The following ATRNL1 variants were observed in gnomAD, a reference collection of about 807,000 sequenced individuals.
The protein encoded by ATRNL1 is attractin like 1.
In ATRNL1, 95 loss-of-function variants were observed where a neutral mutation model predicts 182.7. The ratio of observed to expected loss-of-function variants is 0.52; its 90% CI spans 0.44 to 0.62. ATRNL1 has a LOEUF of 0.62. Ranked by LOEUF, ATRNL1 falls within the 20% of genes least tolerant of loss-of-function variation. The probability of loss-of-function intolerance (pLI) is 0.00; values close to 1 mark genes in which losing one functional copy is unlikely to be tolerated. For missense variants in ATRNL1, 1,471 were observed against 1,679.5 expected (o/e 0.88, Z 2.17); for synonymous variants, 576 against 568.3 (o/e 1.01, Z -0.19).
chr10:115,100,992 A>G (rs1484678551), intron 1 of ATRNL1, among the ~76,000 whole-genome samples: 2 of 152,134 alleles, frequency 1.3e-5, no homozygotes, highest in Non-Finnish European at 2.9e-5. Context: ...GCTATTGTAA[A>G]TGGCATTTTT....
chr10:115,681,078 G>A (rs10885768), intron 26 of ATRNL1, among the ~76,000 whole-genome samples: 52,600 of 151,812 alleles, frequency 0.35, 9,832 homozygotes, highest in East Asian at 0.52. Flanking sequence ...TTTACATTAC[G>A]TACCTCTTTC....
chr10:115,370,009 T>A (rs1857305696), intron 19 of ATRNL1, among the ~76,000 whole-genome samples: 1 of 152,186 alleles, frequency 6.6e-6, no homozygotes, highest in Admixed American at 6.5e-5. Context: ...CAGGGGTGGA[T>A]CTTTCCCATG....
At chr10:115,937,359 A>C (rs77491264) in intron 28 of ATRNL1, among the ~76,000 whole-genome samples, 1 of 152,336 alleles carries the variant, frequency 6.6e-6, no homozygotes, top group East Asian at 1.9e-4. Flanking sequence ...GGTGAGGGGA[A>C]ATATCTCTTC....
At chr10:115,651,333 C>T (rs1176255339) in intron 26 of ATRNL1, among the ~76,000 whole-genome samples, 2 of 152,106 alleles carry the variant, frequency 1.3e-5, no homozygotes, top group African/African-American at 4.8e-5. Flanking sequence ...ACCTATGTAA[C>T]AAAAGCTTGC....
intron 26 of ATRNL1, among the ~76,000 whole-genome samples, chr10:115,573,933 T>G (rs1854553522): frequency 6.6e-6 from 1 of 151,942 alleles, no homozygotes; most frequent in Non-Finnish European, 1.5e-5. Context: ...AAGAAAAGAG[T>G]TGAAAGACAA....
chr10:115,125,440 A>G (rs1472045725), intron 3 of ATRNL1, among the ~76,000 whole-genome samples: 2 of 151,774 alleles, frequency 1.3e-5, no homozygotes, highest in African/African-American at 4.8e-5. Flanking sequence ...TTGGGCTTTT[A>G]TTCTGTAGGC....
At chr10:115,747,568 A>G (rs979509271) in intron 27 of ATRNL1, among the ~76,000 whole-genome samples, 2 of 152,182 alleles carry the variant, frequency 1.3e-5, no homozygotes, top group South Asian at 4.1e-4. Context: ...TGTATGAGAC[A>G]TGCTCTTGTT....
At chr10:115,555,060 T>C (rs907883079) in intron 26 of ATRNL1, among the ~76,000 whole-genome samples, 1 of 151,810 alleles carries the variant, frequency 6.6e-6, no homozygotes. Context: ...AAAGTTCATT[T>C]TTTATCTAAA....
At chr10:115,353,720 A>G (rs782803730) in intron 19 of ATRNL1, among the ~76,000 whole-genome samples, 28 of 151,012 alleles carry the variant, frequency 1.9e-4, no homozygotes, top group Non-Finnish European at 1.3e-4. Flanking sequence ...TATTTTTTCA[A>G]TTTCTATTAT....
intron 26 of ATRNL1, among the ~76,000 whole-genome samples, chr10:115,578,141 T>A (rs1854840744): frequency 6.6e-6 from 1 of 151,798 alleles, no homozygotes; most frequent in Admixed American, 6.6e-5. Flanking sequence ...GTTGTGTTGT[T>A]GTATTTAGTT....
chr10:115,301,960 C>G lies in ATRNL1; in HGVS notation c.2735C>G (p.Thr912Arg). 3.7e-6 allele frequency: 6 copies of G among 1,614,098 alleles called. No homozygotes were observed. Among genetic ancestry groups the G allele is most frequent in the Non-Finnish European group, 5.1e-6 (6 of 1,179,956 alleles). The part of the protein sequence containing the change: ...NGMECMWCSS[T>R]KRCVDSNAYI... ...ATGGAGTGTATGTGGTGCAGCAGTA[C>G]GAAACGATGTGTTGACTCTAATGCC... The change falls in exon 17 of 29, where the codon ACG (threonine) becomes AGG (arginine). Residue 912 changes from threonine to arginine, a missense_variant. Thr to Arg is a moderately conservative substitution (Grantham distance 71). Around this residue, in one of 3 missense-constraint regions of ATRNL1, gnomAD observed 1,031 missense variants for 1,156.0 expected, o/e 0.89. Transcript: ENST00000355044.
chr10:115,631,270 A>C (rs1478967242), intron 26 of ATRNL1, among the ~76,000 whole-genome samples: 2 of 152,024 alleles, frequency 1.3e-5, no homozygotes, highest in Admixed American at 6.6e-5. Flanking sequence ...TAGATTTATT[A>C]ATTAGCTTGA....
At chr10:115,271,578 T>C (rs1851868832) in intron 13 of ATRNL1, among the ~76,000 whole-genome samples, 1 of 152,180 alleles carries the variant, frequency 6.6e-6, no homozygotes, top group Non-Finnish European at 1.5e-5. Context: ...CGTATGTTTA[T>C]TGCAGCACTG....
At chr10:115,296,091 G>A (rs1344422424) in intron 15 of ATRNL1, among the ~76,000 whole-genome samples, 2 of 152,180 alleles carry the variant, frequency 1.3e-5, no homozygotes, top group Non-Finnish European at 2.9e-5. Context: ...TGTAAGGACT[G>A]TGGGATTCTT....
intron 25 of ATRNL1, among the ~76,000 whole-genome samples, chr10:115,541,926 T>C (rs937695492): frequency 7.9e-5 from 12 of 152,180 alleles, no homozygotes; most frequent in Non-Finnish European, 1.5e-4. Flanking sequence ...GGTTTCTCTA[T>C]TGTGTTATAC....
chr10:115,699,588 A>C (rs1490779527), intron 26 of ATRNL1, among the ~76,000 whole-genome samples: 2 of 152,196 alleles, frequency 1.3e-5, no homozygotes, highest in Non-Finnish European at 2.9e-5. Flanking sequence ...TGGATGTTAG[A>C]AACATAAGCT....
chr10:115,459,983 C>T (rs541295735), intron 21 of ATRNL1, among the ~76,000 whole-genome samples: 4 of 152,290 alleles, frequency 2.6e-5, no homozygotes, highest in Admixed American at 2.0e-4. Context: ...TCTCACTCAG[C>T]TGCATTTGTC....
chr10:115,269,357 C>A (rs1237548108), intron 13 of ATRNL1, among the ~76,000 whole-genome samples: 1 of 152,012 alleles, frequency 6.6e-6, no homozygotes, highest in Non-Finnish European at 1.5e-5. Flanking sequence ...TTTTTTGAGA[C>A]AGAGTCTCAC....
At chr10:115,182,105 C>A (rs1213520649) in intron 8 of ATRNL1, among the ~76,000 whole-genome samples, 1 of 151,364 alleles carries the variant, frequency 6.6e-6, no homozygotes. Context: ...TTTATATGCC[C>A]CAACACTTTA....
Sources: gnomAD v4.1 joint callset for allele counts (sites outside exome capture counted in the v4.1 genomes callset) on GRCh38, gnomAD v4.1.1 for gene constraint, gnomAD v4.1.1 regional missense constraint, MANE v1.5 for transcripts, NCBI Gene and HGNC (gene_info 2026-07-23, HGNC 2026-07-21) for gene names.